SMCO2: variants seen among roughly 807,000 people sequenced by gnomAD.
The protein encoded by SMCO2 is single-pass membrane and coiled-coil domain-containing protein 2.
SMCO2 carries 25 observed loss-of-function variants against 29.5 expected under a neutral mutation model. The observed-to-expected ratio is 0.85, with a 90% CI of 0.62 to 1.18. The LOEUF (loss-of-function observed/expected upper bound fraction) is 1.18. Among genes scored for constraint, SMCO2 ranks in the 50% most tolerant of loss-of-function variants. SMCO2 has a pLI of 0.00. For synonymous variants in SMCO2, 117 were observed against 123.3 expected (o/e 0.95, Z 0.34); for missense variants, 348 against 344.5 (o/e 1.01, Z -0.08).
upstream of SMCO2, among the ~76,000 whole-genome samples, chr12:27,461,820 C>G (rs933121174): frequency 6.6e-6 from 1 of 152,218 alleles, no homozygotes; most frequent in African/African-American, 2.4e-5. Context: ...CTTCTTCATT[C>G]ATCAGAACAA....
chr12:27,438,142 G>C, the SMCO2 span, among the ~76,000 whole-genome samples: 3 of 152,142 alleles, frequency 2.0e-5, no homozygotes, highest in African/African-American at 7.2e-5. Context: ...TCTCTGGAAT[G>C]TTAGTCACTG....
chr12:27,473,870 T>G (rs528800257), intron 3 of SMCO2, among the ~76,000 whole-genome samples: 7 of 152,356 alleles, frequency 4.6e-5, no homozygotes, highest in Non-Finnish European at 7.3e-5. Flanking sequence ...TAAAGAAGTG[T>G]TCAAGGATAA....
chr12:27,481,156 G>A (rs1340860005), intron 4 of SMCO2, among the ~76,000 whole-genome samples: 2 of 152,188 alleles, frequency 1.3e-5, no homozygotes, highest in Non-Finnish European at 2.9e-5. Flanking sequence ...GGGGCTATTG[G>A]GCCCCAGGGC....
chr12:27,450,764 C>T, the SMCO2 span, among the ~76,000 whole-genome samples: 1 of 152,174 alleles, frequency 6.6e-6, no homozygotes, highest in Non-Finnish European at 1.5e-5. Flanking sequence ...TTGCCTGTCT[C>T]ATAAAATTAA....
At chr12:27,456,372 G>C in the SMCO2 span, among the ~76,000 whole-genome samples, 1 of 152,142 alleles carries the variant, frequency 6.6e-6, no homozygotes, top group Non-Finnish European at 1.5e-5. Flanking sequence ...CAAGTAAAGC[G>C]TTTCCTCATT....
chr12:27,463,294 C>T (rs1592199777), upstream of SMCO2, among the ~76,000 whole-genome samples: 2 of 152,126 alleles, frequency 1.3e-5, no homozygotes, highest in Admixed American at 6.5e-5. Flanking sequence ...GACAGAGTCT[C>T]GCTTGTGTTG....
chr12:27,443,997 A>C, the SMCO2 span, among the ~76,000 whole-genome samples: 1 of 152,350 alleles, frequency 6.6e-6, no homozygotes, highest in South Asian at 2.1e-4. Flanking sequence ...GGAACCATGA[A>C]ATACTTCAAA....
the SMCO2 span, among the ~76,000 whole-genome samples, chr12:27,429,620 G>A: frequency 6.6e-6 from 1 of 152,082 alleles, no homozygotes; most frequent in Non-Finnish European, 1.5e-5. Context: ...GGCCCAGAAT[G>A]AGTATAGAAT....
chr12:27,494,647 C>A (rs1418201390), intron 6 of SMCO2, among the ~76,000 whole-genome samples: 1 of 151,968 alleles, frequency 6.6e-6, no homozygotes, highest in Non-Finnish European at 1.5e-5. Flanking sequence ...CTAATACCAT[C>A]CCTCCCCTTG....
the SMCO2 span, among the ~76,000 whole-genome samples, chr12:27,456,987 A>G: frequency 6.6e-6 from 1 of 152,156 alleles, no homozygotes; most frequent in Non-Finnish European, 1.5e-5. Context: ...CTCCTTATGA[A>G]AATCTAATTA....
At chr12:27,455,492 A>G in the SMCO2 span, among the ~76,000 whole-genome samples, 1 of 152,222 alleles carries the variant, frequency 6.6e-6, no homozygotes, top group Non-Finnish European at 1.5e-5. Flanking sequence ...AACACAGTTT[A>G]TAAGTTTACC....
intron 4 of SMCO2, among the ~76,000 whole-genome samples, chr12:27,487,403 T>A (rs1949697759): frequency 6.6e-6 from 1 of 152,216 alleles, no homozygotes. Flanking sequence ...GTATTGATCT[T>A]TCCTTCCTTT....
chr12:27,425,310 T>G, the SMCO2 span: 1 of 152,142 alleles, frequency 6.6e-6, no homozygotes, highest in Non-Finnish European at 1.5e-5. Context: ...TACTTTCTAA[T>G]GTGGAAACAT....
chr12:27,454,651 G>A, the SMCO2 span, among the ~76,000 whole-genome samples: 1 of 152,012 alleles, frequency 6.6e-6, no homozygotes. Flanking sequence ...AGGCATACAC[G>A]TGCCATGGTG....
chr12:27,453,899 C>T, the SMCO2 span, among the ~76,000 whole-genome samples: 57 of 152,284 alleles, frequency 3.7e-4, no homozygotes, highest in African/African-American at 1.3e-3. Flanking sequence ...GCAACAAGAG[C>T]AAGTGTCAAA....
the SMCO2 span, among the ~76,000 whole-genome samples, chr12:27,428,258 A>G: frequency 1.3e-5 from 2 of 152,330 alleles, no homozygotes; most frequent in South Asian, 2.1e-4. Flanking sequence ...GGCTGTTAGC[A>G]TCTTTGTTTC....
chr12:27,496,436 G>T (rs983571047), intron 7 of SMCO2, among the ~76,000 whole-genome samples: 2 of 150,130 alleles, frequency 1.3e-5, no homozygotes, highest in Non-Finnish European at 3.0e-5. Flanking sequence ...CTTAAAAGAT[G>T]GTATCTATAC....
At chr12:27,461,675 A>G in the SMCO2 span, among the ~76,000 whole-genome samples, 3 of 152,356 alleles carry the variant, frequency 2.0e-5, no homozygotes, top group South Asian at 4.1e-4. Context: ...TGGTTAAAAC[A>G]TTCATTGAAT....
intron 3 of SMCO2, among the ~76,000 whole-genome samples, chr12:27,473,546 A>T (rs1949559241): frequency 6.6e-6 from 1 of 152,186 alleles, no homozygotes; most frequent in Non-Finnish European, 1.5e-5. Context: ...CTGTATTAGG[A>T]CATAGGCATT....
Sources: allele counts gnomAD v4.1 joint callset (sites outside exome capture counted in the v4.1 genomes callset), GRCh38; gene constraint gnomAD v4.1.1; transcripts MANE v1.5; gene names NCBI Gene and HGNC (gene_info 2026-07-23, HGNC 2026-07-21).